The following PHLPP1 variants were observed in gnomAD, a reference collection of about 807,000 sequenced individuals.
PHLPP1 encodes PH domain and leucine rich repeat protein phosphatase 1.
In PHLPP1, 42 loss-of-function variants were observed where a neutral mutation model predicts 117.2. The observed-to-expected ratio is 0.36, with a 90% confidence interval of 0.28 to 0.46. The LOEUF is 0.46. PHLPP1 is among the 20% of genes least tolerant of loss of function. PHLPP1 has a pLI of 1.00. For missense variants in PHLPP1, 2,084 were observed against 2,241.9 expected (o/e 0.93, Z 1.42); for synonymous variants, 1,042 against 970.7 (o/e 1.07, Z -1.37).
At chr18:62,851,944 A>G (rs950626671) in intron 3 of PHLPP1, among the ~76,000 whole-genome samples, 1 of 151,184 alleles carries the variant, frequency 6.6e-6, no homozygotes, top group Admixed American at 6.6e-5. Flanking sequence ...TGGCACAATC[A>G]TAGTTCACTG....
intron 6 of PHLPP1, among the ~76,000 whole-genome samples, chr18:62,898,059 T>A (rs1191136951): frequency 1.2e-5 from 1 of 84,272 alleles, no homozygotes; most frequent in Non-Finnish European, 3.5e-5. Context: ...CTGTTACTTC[T>A]TGGTCAGTTC....
intron 13 of PHLPP1, among the ~76,000 whole-genome samples, chr18:62,959,267 A>G (rs533084917): frequency 6.6e-5 from 10 of 152,364 alleles, no homozygotes; most frequent in Non-Finnish European, 1.5e-4. Context: ...GAATTAAATA[A>G]TGTTCCACAA....
chr18:62,766,076 A>ATATACATATATATATATATATATAT lies in PHLPP1; in HGVS notation c.1576+48817_1576+48818insTATACATATATATATATATATATAT. 9.2e-5 allele frequency among the ~76,000 whole-genome samples: 2 copies of ATATACATATATATATATATATATAT among 21,662 alleles called. 1 individual carries two copies. The highest frequency in any genetic ancestry group is 6.6e-3 in the East Asian group (2 of 302). 14.2% of individuals were successfully genotyped at this position (21,662 alleles called of 152,430 possible). On this transcript the variant is annotated intron_variant, in intron 1 of 16. Coordinates refer to ENST00000262719, the MANE Select transcript of PHLPP1 (RefSeq NM_194449.4). Reference sequence around the variant, plus strand: ...ACTCCATCTCAAAAAAAAAAAAAAAAATATATATATATATATATATATATA... The same window carrying ATATACATATATATATATATATATAT: ...ACTCCATCTCAAAAAAAAAAAAAAAATATACATATATATATATATATATATATATATATATATATATATATATATA...
chr18:62,792,800 A>T lies in PHLPP1; in HGVS notation c.1577-37235A>T, dbSNP rs189988541. On this transcript the variant is annotated intron_variant, in intron 1 of 16. Coordinates refer to ENST00000262719, the MANE Select transcript of PHLPP1 (RefSeq NM_194449.4). ...AAGATTGCTTGAGCACAGGAGGTCAAGGCTGCAGTGAACCATGGTTGTTGT... is the reference window on the plus strand; with the variant it reads ...AAGATTGCTTGAGCACAGGAGGTCATGGCTGCAGTGAACCATGGTTGTTGT... Among the ~76,000 whole-genome samples, 611 of 149,000 alleles carry T rather than the reference A, an allele frequency of 4.1e-3. 3 individuals are homozygous for T. Among genetic ancestry groups the T allele is most frequent in the Non-Finnish European group, 6.1e-3 (415 of 67,686 alleles).
chr18:62,976,214 T>C (rs535806372), intron 16 of PHLPP1, among the ~76,000 whole-genome samples: 1 of 152,258 alleles, frequency 6.6e-6, no homozygotes, highest in African/African-American at 2.4e-5. Flanking sequence ...TCATCACAGC[T>C]GGGGCGGAGA....
intron 1 of PHLPP1, chr18:62,779,504 A>G (rs1000417623): frequency 6.6e-6 from 1 of 152,188 alleles, no homozygotes; most frequent in Admixed American, 6.5e-5. Context: ...AGAGGGATGA[A>G]TGTCATCTGT....
intron 14 of PHLPP1, among the ~76,000 whole-genome samples, chr18:62,967,785 A>T (rs955978729): frequency 6.7e-6 from 1 of 149,772 alleles, no homozygotes; most frequent in African/African-American, 2.4e-5. Flanking sequence ...TACACTTTGC[A>T]TTCCAAGTAT....
At chr18:62,953,593 C>T (rs990101699) in intron 12 of PHLPP1, among the ~76,000 whole-genome samples, 8 of 152,194 alleles carry the variant, frequency 5.3e-5, no homozygotes, top group Non-Finnish European at 8.8e-5. Context: ...TTGGGAGTTC[C>T]TCAAGGGCAG....
At chr18:62,898,480 T>C (rs1303528737) in intron 6 of PHLPP1, among the ~76,000 whole-genome samples, 1 of 152,122 alleles carries the variant, frequency 6.6e-6, no homozygotes, top group African/African-American at 2.4e-5. Flanking sequence ...TTGTGCAGCC[T>C]CCCAAGCAAG....
At chr18:62,817,356 T>C (rs1380297513) in intron 1 of PHLPP1, among the ~76,000 whole-genome samples, 1 of 152,168 alleles carries the variant, frequency 6.6e-6, no homozygotes, top group Non-Finnish European at 1.5e-5. Flanking sequence ...AAAGAAAGCA[T>C]TTGCATATTA....
chr18:62,882,510 C>T (rs374309597), intron 4 of PHLPP1, among the ~76,000 whole-genome samples: 3 of 152,112 alleles, frequency 2.0e-5, no homozygotes, highest in Non-Finnish European at 2.9e-5. Context: ...CTGCCTGCCT[C>T]GGCCTCCCAA....
At chr18:62,815,477 G>C (rs972424264) in intron 1 of PHLPP1, among the ~76,000 whole-genome samples, 4 of 152,040 alleles carry the variant, frequency 2.6e-5, no homozygotes, top group African/African-American at 9.7e-5. Flanking sequence ...TTCTAATATG[G>C]CCTGCTCACA....
intron 14 of PHLPP1, among the ~76,000 whole-genome samples, chr18:62,971,668 T>G (rs1213712022): frequency 7.4e-6 from 1 of 135,312 alleles, no homozygotes; most frequent in Non-Finnish European, 1.8e-5. Context: ...GGAAGCAGGC[T>G]CTCTCCAGGA....
intron 1 of PHLPP1, among the ~76,000 whole-genome samples, chr18:62,746,204 C>T (rs1341789707): frequency 1.3e-5 from 2 of 152,136 alleles, no homozygotes; most frequent in Non-Finnish European, 2.9e-5. Context: ...AGCCACCATA[C>T]CCGGCTAATT....
intron 1 of PHLPP1, among the ~76,000 whole-genome samples, chr18:62,762,478 A>G (rs976122361): frequency 4.7e-5 from 7 of 149,494 alleles, no homozygotes; most frequent in Non-Finnish European, 7.4e-5. Flanking sequence ...CAGTGGCGCA[A>G]TCTCGGCTTG....
intron 1 of PHLPP1, among the ~76,000 whole-genome samples, chr18:62,792,023 T>G (rs1196784507): frequency 6.6e-6 from 1 of 152,180 alleles, no homozygotes; most frequent in African/African-American, 2.4e-5. Flanking sequence ...TTTTTCTAGT[T>G]TAGATTCCTA....
intron 16 of PHLPP1, among the ~76,000 whole-genome samples, chr18:62,977,163 T>C (rs1429603204): frequency 6.6e-6 from 1 of 151,956 alleles, no homozygotes; most frequent in Admixed American, 6.6e-5. Flanking sequence ...TGCTTATAAG[T>C]GTGGTGTGGC....
intron 1 of PHLPP1, among the ~76,000 whole-genome samples, chr18:62,802,448 G>C (rs1599055071): frequency 6.6e-6 from 1 of 152,148 alleles, no homozygotes; most frequent in Admixed American, 6.5e-5. Flanking sequence ...TAATTTTGAT[G>C]ATTGAAACTG....
chr18:62,882,782 G>A (rs1216079328), intron 4 of PHLPP1, among the ~76,000 whole-genome samples: 2 of 151,978 alleles, frequency 1.3e-5, no homozygotes, highest in Admixed American at 6.6e-5. Context: ...TGAAGTAAGT[G>A]TAACTCATTT....
Sources: gnomAD v4.1 joint callset for allele counts (sites outside exome capture counted in the v4.1 genomes callset) on GRCh38, gnomAD v4.1.1 for gene constraint, MANE v1.5 for transcripts, NCBI Gene and HGNC (gene_info 2026-07-23, HGNC 2026-07-21) for gene names.